The following SSH3 variants were observed in gnomAD, a reference collection of about 807,000 sequenced individuals.
SSH3 encodes the protein slingshot protein phosphatase 3.
SSH3 carries 67 observed loss-of-function variants against 75.0 expected under a neutral mutation model. The ratio of observed to expected loss-of-function variants is 0.89; its 90% confidence interval spans 0.73 to 1.10. The LOEUF is 1.10. Among genes scored for constraint, SSH3 ranks in the 50% least tolerant of loss-of-function variants. The pLI is 0.00. For missense variants in SSH3, 824 were observed against 872.7 expected, an observed-to-expected ratio of 0.94 and a Z score of 0.70; for synonymous variants, 318 against 349.2, an observed-to-expected ratio of 0.91 and a Z score of 1.00.
In SSH3 at chr11:67,307,245, C is replaced by A; in HGVS notation, c.537-126C>A. The A allele has an allele frequency of 6.4e-7, 1 of 1,555,272 alleles. No individual in the cohort carries two copies. The highest frequency in any genetic ancestry group is 1.2e-5 in the South Asian group (1 of 85,490). ...CTGGGGCCTGCTCCCAGCTCCACGT[C>A]AGATTCACCGTGATCCTGAGCAAGG... is the stretch of plus-strand genomic sequence containing the variant. On this transcript the variant is annotated intron_variant, in intron 5 of 13. Coordinates refer to ENST00000308127, the MANE Select transcript of SSH3 (RefSeq NM_017857.4). This position sits in a 1 kb window ranked among gnomAD's most constrained non-coding sequence, Gnocchi z 4.2.
At position 67,312,033 on chromosome 11, in the gene SSH3, C is replaced by A. The variant is rs965086996; in HGVS notation, c.*146C>A. On this transcript the variant is annotated 3_prime_UTR_variant, in exon 14 of 14. Coordinates refer to ENST00000308127, the MANE Select transcript of SSH3 (RefSeq NM_017857.4). ...GCCTCACCTCCCACCCCTGTCACTACGGCCTCACCTCCCACCCCTGTCACT... is the reference window on the plus strand; with the variant it reads ...GCCTCACCTCCCACCCCTGTCACTAAGGCCTCACCTCCCACCCCTGTCACT... 6.6e-6 allele frequency: 7 copies of A among 1,061,970 alleles called. No homozygotes were observed. In the East Asian group the frequency reaches 1.1e-4, roughly 16 times the overall value. The allele number at this position is 1,061,970 out of a possible 1,614,324, so 65.8% of individuals were successfully genotyped here.
chr11:67,311,706 G>T lies in SSH3; in HGVS notation c.1799G>T (p.Arg600Leu), dbSNP rs1573536. 1 of 1,613,986 alleles carries T rather than the reference G, an allele frequency of 6.2e-7. No homozygotes were observed. Among genetic ancestry groups the T allele is most frequent in the Non-Finnish European group, 8.5e-7 (1 of 1,180,012 alleles). ...DRGPQPALKS[R>L]QSVVTLQGSA... is the part of the protein sequence containing the mutation. ...GGGCCTCAGCCTGCCCTGAAGTCCC[G>T]CCAGTCAGTGGTTACCCTCCAGGGC... Residue 600 changes from arginine to leucine, a missense_variant, in exon 14 of 14, where the codon CGC becomes CTC. By Grantham distance (102) the Arg-to-Leu change is moderately radical. Transcript: ENST00000308127.
rs1861287329 is a variant in SSH3 at position 67,307,730 on chromosome 11, C to A, written c.784C>A (p.Pro262Thr). ...LESLRPPSAE[P>T]GGSSEQEQME... ...GTCTCTGCGGCCTCCCAGCGCCGAG[C>A]CTGGCGGGTCAGTGTGTGGAGGGGA... The change falls in exon 7 of 14, where the codon CCT becomes ACT. Residue 262 changes from proline to threonine, a missense_variant. Pro to Thr is a conservative substitution (Grantham distance 38). Coordinates refer to ENST00000308127, the MANE Select transcript of SSH3 (RefSeq NM_017857.4). This position sits in a 1 kb window ranked among gnomAD's most constrained non-coding sequence, Gnocchi z 4.2. 1 of 1,613,684 alleles carries A rather than the reference C, an allele frequency of 6.2e-7. No homozygotes were observed. Among genetic ancestry groups the A allele is most frequent in the African/African-American group, 1.3e-5 (1 of 74,924 alleles).
chr11:67,304,000 G>C, intron 1 of SSH3, 118 bp from the exon 2 acceptor site: 2 of 1,326,644 alleles, frequency 1.5e-6, no homozygotes, highest in South Asian at 1.3e-5. Context: ...GGACTGGGGT[G>C]GGAAGACGAT....
chr11:67,309,696 C>T, intron 11 of SSH3, 72 bp from the exon 12 acceptor site: 3 of 1,595,526 alleles, frequency 1.9e-6, no homozygotes, highest in Non-Finnish European at 2.6e-6. Context: ...GAGCCCTTCA[C>T]CTGCCCTCCC....
rs1203379487 is a variant in SSH3, at chr11:67,308,463, G to A, written c.1061+5G>A. On this transcript the variant is annotated splice_donor_5th_base_variant and intron_variant, in intron 10 of 13. Transcript: ENST00000308127. The surrounding 1 kb of genome is among the most constrained non-coding windows in gnomAD (Gnocchi z 4.9). ...GGAGGAGCTGCAGAGGAACAGGTAG[G>A]GCTATGAGCCCCTCGGGCCACCCAC... 1.3e-6 allele frequency: 2 copies of A among 1,585,400 alleles called. No homozygotes were observed. The highest frequency in any genetic ancestry group is 1.7e-6 in the Non-Finnish European group (2 of 1,166,356).
intron 3 of SSH3, 92 bp downstream of exon 3, chr11:67,305,099 A>G: frequency 7.8e-7 from 1 of 1,287,000 alleles, no homozygotes; most frequent in Non-Finnish European, 1.1e-6. Context: ...TTGGGGAGCA[A>G]TGGTGTGAGG....
intron 10 of SSH3, 59 bp from the exon 11 acceptor site, chr11:67,309,338 T>A: frequency 1.2e-6 from 2 of 1,601,698 alleles, no homozygotes; most frequent in Non-Finnish European, 1.7e-6. Flanking sequence ...CCAGGTCCGA[T>A]TGCCAGTGGG....
Position 67,312,009 on chromosome 11 carries a change from C to T in SSH3, c.*122C>T. On this transcript the variant is annotated 3_prime_UTR_variant, in exon 14 of 14. Transcript: ENST00000308127. The stretch of plus-strand genomic sequence containing the variant: ...CTCCGCCCCATACCCGTCACTACAG[C>T]CTCACCTCCCACCCCTGTCACTACG... 7.8e-7 allele frequency: 1 copy of T among 1,281,520 alleles called. No homozygotes were observed. Among genetic ancestry groups the T allele is most frequent in the Non-Finnish European group, 1.0e-6 (1 of 966,090 alleles). 79.4% of individuals were successfully genotyped at this position (1,281,520 alleles called of 1,614,324 possible).
At chr11:67,306,772 G>C (rs1404462186) in intron 3 of SSH3, 66 bp from the exon 4 acceptor site, 6 of 1,523,624 alleles carry the variant, frequency 3.9e-6, no homozygotes, top group Admixed American at 2.0e-5. Flanking sequence ...TCTGGGCCTG[G>C]GGTGTCTAGG....
chr11:67,304,273 G>A, intron 2 of SSH3, 118 bp downstream of exon 2: 1 of 828,668 alleles, frequency 1.2e-6, no homozygotes, highest in Non-Finnish European at 1.8e-6. Context: ...GAAGCCCACT[G>A]CCAAATTTGT....
chr11:67,307,074 C>T lies in SSH3; in HGVS notation c.497C>T (p.Pro166Leu), dbSNP rs1861267171. The T allele has an allele frequency of 6.2e-7, 1 of 1,613,900 alleles. No individual in the cohort carries two copies. The highest frequency in any genetic ancestry group is 1.7e-5 in the Admixed American group (1 of 60,006). The part of the protein sequence containing the change: ...SPSCTLGLVL[P>L]LWSDTQVYLD... ...AGCTGCACCCTGGGCCTGGTCTTGC[C>T]CCTCTGGAGTGACACCCAGGTGTAC... The change falls in exon 5 of 14, where the codon CCC becomes CTC. Residue 166 changes from proline to leucine, a missense_variant. Transcript: ENST00000308127. The surrounding 1 kb of genome is among the most constrained non-coding windows in gnomAD (Gnocchi z 4.2).
Position 67,308,039 on chromosome 11 carries a change from A to G in SSH3, c.885+100A>G. ...CCTTGCCTGTCTCCAGTCCTGAGCC[A>G]TTCCTGGATGCCTTGGCCTTGGCCC... On this transcript the variant is annotated intron_variant, in intron 8 of 13. Coordinates refer to ENST00000308127, the MANE Select transcript of SSH3 (RefSeq NM_017857.4). The surrounding 1 kb of genome is among the most constrained non-coding windows in gnomAD (Gnocchi z 4.9). 6.3e-7 allele frequency: 1 copy of G among 1,595,714 alleles called. No individual in the cohort carries two copies. Among genetic ancestry groups the G allele is most frequent in the Non-Finnish European group, 8.5e-7 (1 of 1,170,130 alleles).
In SSH3 at chr11:67,304,150, G is replaced by C. The variant is rs1450553056; in HGVS notation, c.99G>C (p.Gln33His). 1.3e-6 allele frequency: 2 copies of C among 1,598,700 alleles called. No individual in the cohort carries two copies. Residue 33 changes from glutamine (Q) to histidine (H), a missense_variant, in exon 2 of 14, where the codon CAG becomes CAC. Physicochemically the swap from Gln to His is conservative, Grantham distance 24. Coordinates refer to ENST00000308127, the MANE Select transcript of SSH3 (RefSeq NM_017857.4). ...CGGTCCAGCGAAGGAGTCGACTCCA[G>C]CGAAGGTGAGCGCCACCTCCCCCAC... ...DQAVQRRSRL[Q>H]RRQSFAVLRG...
chr11:67,306,843 C>A lies in SSH3; in HGVS notation c.345C>A (p.Ala115=). Residue 115 remains alanine, a synonymous_variant, in exon 4 of 14, where the codon GCC becomes GCA. Coordinates refer to ENST00000308127, the MANE Select transcript of SSH3 (RefSeq NM_017857.4). The stretch of plus-strand genomic sequence containing the variant: ...GGTTCCTCATCTCCCCCCAGGCAGC[C>A]CAGCTGGAGGCACCCCGGCCTCCCC... ...LRPQDDIRLA[A]QLEAPRPPRL... is the part of the protein sequence containing the mutation. 1 of 1,610,666 alleles carries A rather than the reference C, an allele frequency of 6.2e-7. No homozygotes were observed.
Position 67,308,250 on chromosome 11 carries a change from T to C in SSH3, c.962T>C (p.Leu321Pro), listed in dbSNP as rs1319838437. The change falls in exon 9 of 14, where the codon CTG becomes CCG. Residue 321 changes from leucine (L) to proline (P), a missense_variant. By Grantham distance (98) the Leu-to-Pro change is moderately conservative. Coordinates refer to ENST00000308127, the MANE Select transcript of SSH3 (RefSeq NM_017857.4). The surrounding 1 kb of genome is among the most constrained non-coding windows in gnomAD (Gnocchi z 4.9). ...GACTTCATCGACAACCAGATGCTGC[T>C]GCTGGTGGCACAGCGGGACCGAGCC... ...YRDFIDNQML[L>P]LVAQRDRASR... is the part of the protein sequence containing the mutation. 4 of 1,614,038 alleles carry C rather than the reference T, an allele frequency of 2.5e-6. No homozygotes were observed. In the African/African-American group the frequency reaches 5.3e-5, roughly 22 times the overall value.
At position 67,307,380 on chromosome 11, in the gene SSH3, C is replaced by T. The variant is rs148122778; in HGVS notation, c.546C>T (p.Ser182=). 2.5e-5 allele frequency: 40 copies of T among 1,613,952 alleles called. No homozygotes were observed. The African/African-American group carries it at 4.0e-4, about 16-fold the overall frequency. The change falls in exon 6 of 14, where the codon AGC becomes AGT. Residue 182 remains serine, a synonymous_variant. Coordinates refer to ENST00000308127, the MANE Select transcript of SSH3 (RefSeq NM_017857.4). This position sits in a 1 kb window ranked among gnomAD's most constrained non-coding sequence, Gnocchi z 4.2. ...QVYLDGDGGF[S]VTSGGQSRIF... is the part of the protein sequence containing the mutation. ...GCCTGGTCTCCTGCAGGGGCTTCAG[C>T]GTGACGTCTGGTGGGCAAAGCCGGA...
At chr11:67,304,221 C>T in intron 2 of SSH3, 66 bp downstream of exon 2, 3 of 1,293,770 alleles carry the variant, frequency 2.3e-6, no homozygotes, top group Non-Finnish European at 3.2e-6. Flanking sequence ...CCGTCCTGGG[C>T]TCCAGCTGCA....
intron 3 of SSH3, among the ~76,000 whole-genome samples, chr11:67,306,541 C>G (rs1590884529): frequency 6.6e-6 from 1 of 151,960 alleles, no homozygotes; most frequent in East Asian, 1.9e-4. Flanking sequence ...TTCGGGGCTA[C>G]AGTGAGCTGT....
Sources: gnomAD v4.1 joint callset for allele counts (sites outside exome capture counted in the v4.1 genomes callset) on GRCh38, gnomAD v4.1.1 for gene constraint, Gnocchi (gnomAD v3.1) non-coding constraint, MANE v1.5 for transcripts, NCBI Gene and HGNC (gene_info 2026-07-23, HGNC 2026-07-21) for gene names.